The following ZDHHC7 variants were observed in gnomAD, a reference collection of about 807,000 sequenced individuals.
The protein encoded by ZDHHC7 is zDHHC palmitoyltransferase 7, also known as palmitoyltransferase ZDHHC7.
A neutral mutation model predicts 34.1 loss-of-function variants in ZDHHC7; 12 were observed. The observed-to-expected ratio is 0.35, with a 90% CI of 0.23 to 0.57. The LOEUF is 0.57. ZDHHC7 is among the 20% of genes least tolerant of loss of function. ZDHHC7 has a pLI of 0.84. For synonymous variants in ZDHHC7, 185 were observed against 155.4 expected, an observed-to-expected ratio of 1.19 and a Z score of -1.42; for missense variants, 388 against 402.7, an observed-to-expected ratio of 0.96 and a Z score of 0.31.
chr16:84,989,579 C>T (rs2072480853), intron 3 of ZDHHC7, among the ~76,000 whole-genome samples: 1 of 151,252 alleles, frequency 6.6e-6, no homozygotes. Flanking sequence ...CCTGTAATCC[C>T]AGCTACTCAG....
chr16:85,023,948 C>T, the ZDHHC7 span, among the ~76,000 whole-genome samples: 2 of 151,994 alleles, frequency 1.3e-5, no homozygotes, highest in African/African-American at 2.4e-5. Context: ...GACAGAGTCT[C>T]GCTCTGTCGC....
chr16:84,976,569 G>A (rs375809913), intron 7 of ZDHHC7, 50 bp from the exon 8 acceptor site: 430 of 1,590,198 alleles, frequency 2.7e-4, no homozygotes, highest in Non-Finnish European at 2.1e-4. Context: ...AAGCTCGGCA[G>A]ACCCCACCAA....
At chr16:84,980,006 G>A (rs2072347062) in intron 4 of ZDHHC7, among the ~76,000 whole-genome samples, 1 of 143,148 alleles carries the variant, frequency 7.0e-6, no homozygotes, top group African/African-American at 2.7e-5. Flanking sequence ...CCAGGCTGGA[G>A]TGCAGTGGCG....
intron 3 of ZDHHC7, among the ~76,000 whole-genome samples, chr16:84,983,404 A>T (rs1365853291): frequency 6.6e-6 from 1 of 152,142 alleles, no homozygotes; most frequent in African/African-American, 2.4e-5. Flanking sequence ...CAAATTTTAG[A>T]AAGTTCAGCA....
At chr16:84,993,062 G>A (rs1014158331) in intron 2 of ZDHHC7, among the ~76,000 whole-genome samples, 1 of 152,288 alleles carries the variant, frequency 6.6e-6, no homozygotes, top group East Asian at 1.9e-4. Flanking sequence ...GCTGGGTGCA[G>A]TGGCTCAAGT....
chr16:85,013,495 G>C (rs972884060), upstream of ZDHHC7, among the ~76,000 whole-genome samples: 8 of 152,052 alleles, frequency 5.3e-5, no homozygotes, highest in African/African-American at 1.7e-4. Flanking sequence ...CACCCACCTT[G>C]GCCTCCCAAA....
chr16:84,997,402 G>A (rs1035648234), intron 1 of ZDHHC7, among the ~76,000 whole-genome samples: 41 of 150,104 alleles, frequency 2.7e-4, no homozygotes, highest in African/African-American at 1.0e-3. Flanking sequence ...CTGAGTAGCT[G>A]GGACTACAGG....
intron 3 of ZDHHC7, chr16:84,982,266 A>C: frequency 3.2e-6 from 1 of 310,944 alleles, no homozygotes; most frequent in Non-Finnish European, 6.2e-6. Flanking sequence ...AATCGCTTGA[A>C]CTCAGGAGGT....
chr16:85,025,964 T>G, the ZDHHC7 span, among the ~76,000 whole-genome samples: 1 of 152,222 alleles, frequency 6.6e-6, no homozygotes, highest in African/African-American at 2.4e-5. Flanking sequence ...CAATGTCAGG[T>G]TCACTGATCT....
chr16:85,006,198 A>C (rs1358337902), intron 1 of ZDHHC7, among the ~76,000 whole-genome samples: 2 of 152,084 alleles, frequency 1.3e-5, no homozygotes, highest in African/African-American at 4.8e-5. Context: ...CTCTACAAAA[A>C]AAATTTTTTA....
At chr16:85,020,980 C>T in the ZDHHC7 span, among the ~76,000 whole-genome samples, 29,628 of 151,992 alleles carry the variant, frequency 0.19, 3,336 homozygotes, top group East Asian at 0.31. Context: ...TGGCACACAC[C>T]TGTAGTGCCA....
chr16:85,024,381 G>A, the ZDHHC7 span, among the ~76,000 whole-genome samples: 8 of 150,792 alleles, frequency 5.3e-5, no homozygotes, highest in African/African-American at 1.5e-4. Flanking sequence ...ATAGGCACGC[G>A]CCACCATGCC....
upstream of ZDHHC7, among the ~76,000 whole-genome samples, chr16:85,013,080 G>C (rs1047757799): frequency 7.2e-5 from 11 of 152,018 alleles, no homozygotes; most frequent in Non-Finnish European, 1.5e-4. Flanking sequence ...GGACATTCTA[G>C]ACTCTTCTTA....
chr16:85,025,697 C>T, the ZDHHC7 span, among the ~76,000 whole-genome samples: 4 of 152,168 alleles, frequency 2.6e-5, no homozygotes, highest in African/African-American at 7.2e-5. Flanking sequence ...CGTCAGCCAC[C>T]GCGCCCGGCC....
At chr16:85,013,396 C>T (rs183692042), upstream of ZDHHC7, among the ~76,000 whole-genome samples, 322 of 152,176 alleles carry the variant, frequency 2.1e-3, no homozygotes, top group Middle Eastern at 0.01. Context: ...GGGCCCGCCA[C>T]CACGTCCGGC....
intron 3 of ZDHHC7, among the ~76,000 whole-genome samples, chr16:84,987,788 C>T (rs1218043463): frequency 1.3e-5 from 2 of 152,202 alleles, no homozygotes; most frequent in African/African-American, 2.4e-5. Flanking sequence ...AAGCACTGAT[C>T]ATGCCACAGC....
At chr16:84,987,098 T>C (rs1982969) in intron 3 of ZDHHC7, among the ~76,000 whole-genome samples, 100,105 of 152,100 alleles carry the variant, frequency 0.66, 34,943 homozygotes, top group African/African-American at 0.89. Context: ...TGAGGACAGC[T>C]GCCAGCCTCT....
chr16:84,995,892 T>C (rs2072570848), intron 2 of ZDHHC7, 30 bp downstream of exon 2: 2 of 152,316 alleles, frequency 1.3e-5, no homozygotes, highest in Admixed American at 1.3e-4. Context: ...AAGGAAACAG[T>C]GATTGGACCC....
intron 1 of ZDHHC7, among the ~76,000 whole-genome samples, chr16:85,004,187 C>G (rs13335856): frequency 0.022 from 3,387 of 151,952 alleles, 133 homozygotes; most frequent in African/African-American, 0.077. Flanking sequence ...AACGGCACAC[C>G]ACACCCAAAA....
Sources: gnomAD v4.1 joint callset for allele counts (sites outside exome capture counted in the v4.1 genomes callset) on GRCh38, gnomAD v4.1.1 for gene constraint, MANE v1.5 for transcripts, NCBI Gene and HGNC (gene_info 2026-07-23, HGNC 2026-07-21) for gene names.